Variants in FHIT observed in about 807,000 individuals in gnomAD.
FHIT encodes fragile histidine triad diadenosine triphosphatase, also known as bis(5'-adenosyl)-triphosphatase.
In FHIT, 19 loss-of-function variants were observed where a neutral mutation model predicts 17.9. That is an observed-to-expected ratio of 1.06 (90% CI 0.74 to 1.56). The LOEUF (loss-of-function observed/expected upper bound fraction) is 1.56, where lower values mean the gene tolerates loss of function less well. Among genes scored for constraint, FHIT ranks in the 40% most tolerant of loss-of-function variants. FHIT has a pLI of 0.00. For synonymous variants in FHIT, 81 were observed against 69.7 expected, an observed-to-expected ratio of 1.16 and a Z score of -0.81; for missense variants, 248 against 189.2, an observed-to-expected ratio of 1.31 and a Z score of -1.82.
intron 3 of FHIT, among the ~76,000 whole-genome samples, chr3:60,856,811 C>G (rs969093520): frequency 6.6e-6 from 1 of 152,028 alleles, no homozygotes; most frequent in Non-Finnish European, 1.5e-5. Flanking sequence ...TTCTTCAGTG[C>G]GTGGACCCTA....
At chr3:60,129,891 A>T (rs1699462519) in intron 5 of FHIT, among the ~76,000 whole-genome samples, 1 of 152,104 alleles carries the variant, frequency 6.6e-6, no homozygotes, top group Non-Finnish European at 1.5e-5. Context: ...ATTTCCATTC[A>T]AAAATCCTGT....
intron 4 of FHIT, among the ~76,000 whole-genome samples, chr3:60,659,564 T>C (rs1341998154): frequency 6.6e-6 from 1 of 152,170 alleles, no homozygotes; most frequent in Non-Finnish European, 1.5e-5. Context: ...ATATCTCCAG[T>C]GAATTTTTCA....
At chr3:60,510,213 A>G (rs908923673) in intron 5 of FHIT, among the ~76,000 whole-genome samples, 5 of 152,234 alleles carry the variant, frequency 3.3e-5, no homozygotes, top group African/African-American at 1.2e-4. Flanking sequence ...CGAGTGGGGA[A>G]AACTAGAACA....
chr3:60,375,536 CT>C (rs1700518011), intron 5 of FHIT, among the ~76,000 whole-genome samples: 2 of 152,240 alleles, frequency 1.3e-5, no homozygotes, highest in South Asian at 2.1e-4. Flanking sequence ...GATCACGCCA[CT>C]GCACTCCAGC....
At chr3:60,286,080 A>G (rs1185161132) in intron 5 of FHIT, among the ~76,000 whole-genome samples, 2 of 152,136 alleles carry the variant, frequency 1.3e-5, no homozygotes. Context: ...CATGAGGTGA[A>G]TGCTATTCAC....
At chr3:60,543,584 T>A (rs1012780515) in intron 4 of FHIT, among the ~76,000 whole-genome samples, 1 of 152,178 alleles carries the variant, frequency 6.6e-6, no homozygotes, top group African/African-American at 2.4e-5. Context: ...AGCTTTTAGT[T>A]TATGTCACTA....
At chr3:59,800,895 G>C (rs769380242) in intron 8 of FHIT, among the ~76,000 whole-genome samples, 1 of 152,158 alleles carries the variant, frequency 6.6e-6, no homozygotes, top group African/African-American at 2.4e-5. Context: ...GCCACATTTC[G>C]TGATCTCCTC....
At chr3:59,952,513 G>A (rs551726757) in intron 7 of FHIT, among the ~76,000 whole-genome samples, 1 of 152,254 alleles carries the variant, frequency 6.6e-6, no homozygotes, top group Admixed American at 6.5e-5. Context: ...CAAAGCTAGA[G>A]GCATGGCCTT....
intron 7 of FHIT, among the ~76,000 whole-genome samples, chr3:59,975,219 A>G (rs1005676851): frequency 9.9e-5 from 15 of 152,142 alleles, no homozygotes; most frequent in African/African-American, 3.4e-4. Flanking sequence ...TTCGCTTTCC[A>G]TGAATTAGAA....
At chr3:60,103,669 C>T (rs563290361) in intron 5 of FHIT, among the ~76,000 whole-genome samples, 134 of 152,218 alleles carry the variant, frequency 8.8e-4, no homozygotes, top group African/African-American at 3.1e-3. Flanking sequence ...GGCAGCCCTC[C>T]CAAAAGAATC....
chr3:59,819,513 A>T (rs1700717526), intron 8 of FHIT, among the ~76,000 whole-genome samples: 1 of 152,222 alleles, frequency 6.6e-6, no homozygotes, highest in Non-Finnish European at 1.5e-5. Context: ...AAAAATGTTA[A>T]AATAGAAATA....
intron 5 of FHIT, among the ~76,000 whole-genome samples, chr3:60,432,639 A>C (rs1383838129): frequency 1.2e-4 from 18 of 152,090 alleles, no homozygotes; most frequent in Admixed American, 1.2e-3. Flanking sequence ...TTCACAGCTA[A>C]ACAATTGAGA....
intron 3 of FHIT, among the ~76,000 whole-genome samples, chr3:60,982,871 T>C (rs927915292): frequency 6.6e-6 from 1 of 152,172 alleles, no homozygotes; most frequent in Non-Finnish European, 1.5e-5. Context: ...ATTTTTACAG[T>C]GAGGAAGTGG....
At chr3:60,778,830 T>C (rs1284914648) in intron 4 of FHIT, among the ~76,000 whole-genome samples, 1 of 152,212 alleles carries the variant, frequency 6.6e-6, no homozygotes, top group Non-Finnish European at 1.5e-5. Flanking sequence ...CAAGCTCAAC[T>C]TGCAGAGCCA....
intron 2 of FHIT, among the ~76,000 whole-genome samples, chr3:61,191,356 C>A (rs2038711488): frequency 6.6e-6 from 1 of 152,114 alleles, no homozygotes; most frequent in Non-Finnish European, 1.5e-5. Flanking sequence ...CTCATCTTTG[C>A]CGGCCCTCAG....
At position 60,139,189 on chromosome 3, in the gene FHIT, C is replaced by T. The variant is rs143939248; in HGVS notation, c.104-125037G>A. Among the ~76,000 whole-genome samples, 249 of 152,270 alleles carry T rather than the reference C, an allele frequency of 1.6e-3. 2 individuals carry two copies. The highest frequency in any genetic ancestry group is 5.6e-3 in the African/African-American group (232 of 41,566). ...CTGGAAATGTAATGTTTGACCTTCCCGCCTTTCAGTACAGGAAGGCACGTG... is the reference window on the plus strand; with the variant it reads ...CTGGAAATGTAATGTTTGACCTTCCTGCCTTTCAGTACAGGAAGGCACGTG... On this transcript the variant is annotated intron_variant, in intron 5 of 9. Coordinates refer to ENST00000492590, the MANE Select transcript of FHIT (RefSeq NM_002012.4).
rs147891819 is a variant in FHIT at position 60,920,618 on chromosome 3, C to G, written c.-110-98607G>C. Among the ~76,000 whole-genome samples, 642 of 152,086 alleles carry G rather than the reference C, an allele frequency of 4.2e-3. 4 individuals carry two copies. The highest frequency in any genetic ancestry group is 0.014 in the African/African-American group (582 of 41,470). On this transcript the variant is annotated intron_variant, in intron 3 of 9. Coordinates refer to ENST00000492590, the MANE Select transcript of FHIT (RefSeq NM_002012.4). ...CCCCAAGCAGAGGAAACCCAACATG[C>G]CAAGGACCTGGGGAAGAGGAAACCT...
intron 8 of FHIT, among the ~76,000 whole-genome samples, chr3:59,914,950 G>A (rs1355750916): frequency 6.6e-6 from 1 of 152,118 alleles, no homozygotes; most frequent in Admixed American, 6.5e-5. Context: ...ACAATTTTAA[G>A]TGACTGTTTA....
At chr3:60,944,562 T>C (rs1482439088) in intron 3 of FHIT, among the ~76,000 whole-genome samples, 1 of 152,222 alleles carries the variant, frequency 6.6e-6, no homozygotes, top group Non-Finnish European at 1.5e-5. Flanking sequence ...ATTAAGTTAT[T>C]TAATTAATGG....
Sources: gnomAD v4.1 joint callset for allele counts (sites outside exome capture counted in the v4.1 genomes callset) on GRCh38, gnomAD v4.1.1 for gene constraint, MANE v1.5 for transcripts, NCBI Gene and HGNC (gene_info 2026-07-23, HGNC 2026-07-21) for gene names.